The following STAG3 variants were observed in gnomAD, a reference collection of about 807,000 sequenced individuals.
The protein encoded by STAG3 is STAG3 cohesin complex component.
STAG3 carries 101 observed loss-of-function variants against 160.7 expected under a neutral mutation model. The ratio of observed to expected loss-of-function variants is 0.63; its 90% CI spans 0.54 to 0.74. The LOEUF (loss-of-function observed/expected upper bound fraction) is 0.74, where lower values mean the gene tolerates loss of function less well. Ranked by LOEUF, STAG3 falls within the 30% of genes least tolerant of loss-of-function variation. The pLI is 0.00. For synonymous variants in STAG3, 519 were observed against 585.0 expected, an observed-to-expected ratio of 0.89 and a Z score of 1.63; for missense variants, 1,188 against 1,517.4, an observed-to-expected ratio of 0.78 and a Z score of 3.61.
Position 100,195,397 on chromosome 7 carries a change from C to T in STAG3, c.941+15C>T, listed in dbSNP as rs768790910. On this transcript the variant is annotated intron_variant, in intron 9 of 33. Coordinates refer to ENST00000615138, the MANE Select transcript of STAG3 (RefSeq NM_001282717.2). ...CATCGGTACAGGTGAGCTAATGGGC[C>T]TCTCTCATTGAAGCAGCTGGCCTTT... The T allele has an allele frequency of 8.1e-6, 13 of 1,610,778 alleles. No individual in the cohort carries two copies. Among genetic ancestry groups the T allele is most frequent in the South Asian group, 6.6e-5 (6 of 90,554 alleles).
In STAG3 at chr7:100,207,296, C is replaced by T. The variant is rs1403474926; in HGVS notation, c.3238+1912C>T. The stretch of plus-strand genomic sequence containing the variant: ...TTTAAGTTTTTGAGGAACTACCACA[C>T]TGTTTTCCAAAGTACCTACACCAGT... On this transcript the variant is annotated intron_variant, in intron 29 of 33. Coordinates refer to ENST00000615138, the MANE Select transcript of STAG3 (RefSeq NM_001282717.2). This position sits in a 1 kb window ranked among gnomAD's most constrained non-coding sequence, Gnocchi z 4.0. Among the ~76,000 whole-genome samples the T allele has an allele frequency of 6.6e-6, 1 of 152,204 alleles. No individual in the cohort carries two copies. Among genetic ancestry groups the T allele is most frequent in the Non-Finnish European group, 1.5e-5 (1 of 68,034 alleles).
intron 32 of STAG3, chr7:100,212,324 G>C (rs924144177): frequency 1.9e-5 from 3 of 156,840 alleles, no homozygotes; most frequent in African/African-American, 7.2e-5. Flanking sequence ...TGTTTCCCCA[G>C]GAGGAACTGC....
rs1391523479 is a variant in STAG3, at chr7:100,197,846, A to AC, written c.1135dup (p.Arg379ProfsTer23). On this transcript the variant is annotated frameshift_variant, in exon 11 of 34. Transcript: ENST00000615138. LOFTEE classifies it high-confidence loss of function. ...TGTACGGTAACCGGGACCTGACCACACGCCTGGAGCTCTTCACCAGCCGCT... is the reference window on the plus strand; with the variant it reads ...TGTACGGTAACCGGGACCTGACCACACCGCCTGGAGCTCTTCACCAGCCGCT... 6.2e-7 allele frequency: 1 copy of AC among 1,613,678 alleles called. No homozygotes were observed. The highest frequency in any genetic ancestry group is 8.5e-7 in the Non-Finnish European group (1 of 1,179,976).
At chr7:100,218,911 CAGAG>C (rs1460114586), downstream of STAG3, 3 of 182,736 alleles carry the variant, frequency 1.6e-5, no homozygotes, top group South Asian at 1.1e-4. Flanking sequence ...ATTTGGATGG[CAGAG>C]AGAAACAGGC....
Position 100,182,209 on chromosome 7 carries a change from T to C in STAG3, c.219+17T>C, listed in dbSNP as rs757697214. 15 of 1,596,728 alleles carry C rather than the reference T, an allele frequency of 9.4e-6. No homozygotes were observed. Among genetic ancestry groups the C allele is most frequent in the Non-Finnish European group, 1.0e-5 (12 of 1,168,572 alleles). The stretch of plus-strand genomic sequence containing the variant: ...ACAACACCGGTGAGTCAGCCAGTTT[T>C]CTTTTGTTTTTGAATCTTGTGGGGG... On this transcript the variant is annotated intron_variant, in intron 3 of 33. Transcript: ENST00000615138.
rs776431814 is a variant in STAG3, at chr7:100,179,696, G to T, written c.-64-797G>T. 5.9e-5 allele frequency among the ~76,000 whole-genome samples: 9 copies of T among 152,122 alleles called. 1 individual carries two copies. Among genetic ancestry groups the T allele is most frequent in the Non-Finnish European group, 1.5e-5 (1 of 68,034 alleles). On this transcript the variant is annotated intron_variant, in intron 1 of 33. Coordinates refer to ENST00000615138, the MANE Select transcript of STAG3 (RefSeq NM_001282717.2). Reference sequence around the variant, plus strand: ...GCTGGCCAGTTTCTGGGGTGTTGTTGTGCTTAATCCCTTGATGCCTTAGGT... The same window carrying T: ...GCTGGCCAGTTTCTGGGGTGTTGTTTTGCTTAATCCCTTGATGCCTTAGGT...
chr7:100,202,881 A>G (rs1320325537), intron 25 of STAG3, among the ~76,000 whole-genome samples: 2 of 152,238 alleles, frequency 1.3e-5, no homozygotes, highest in African/African-American at 4.8e-5. Context: ...ATGGGGTAAC[A>G]TAAGAAGGAA....
rs1257410153 is a variant in STAG3, at chr7:100,184,471, T to TTTG, written c.336+1634_336+1635insGTT. Among the ~76,000 whole-genome samples the TTTG allele has an allele frequency of 4.1e-4, 57 of 139,048 alleles. 1 individual carries two copies. Among genetic ancestry groups the TTTG allele is most frequent in the African/African-American group, 1.5e-3 (57 of 37,200 alleles). 91.2% of individuals were successfully genotyped at this position (139,048 alleles called of 152,430 possible). A position where few individuals can be genotyped will look rare whatever the true frequency, so the allele number is the denominator to read the frequency against. On this transcript the variant is annotated intron_variant, in intron 4 of 33. Coordinates refer to ENST00000615138, the MANE Select transcript of STAG3 (RefSeq NM_001282717.2). ...AGTTGTACAGCGTGTTAGTTTTTTT[T>TTTG]TTTTTTTTTTTTTTTGAGACGGAGT...
chr7:100,199,655 A>G lies in STAG3; in HGVS notation c.1677+11A>G. 6.4e-7 allele frequency: 1 copy of G among 1,567,420 alleles called. No homozygotes were observed. Among genetic ancestry groups the G allele is most frequent in the Non-Finnish European group, 8.7e-7 (1 of 1,155,756 alleles). On this transcript the variant is annotated intron_variant, in intron 16 of 33. Transcript: ENST00000615138. ...GTCACTGGGAGGAAGGTATGGTGTG[A>G]GGGTAGAGTGGGTAGGTCAGCAATA...
At chr7:100,193,330 A>G (rs1219009345) in intron 8 of STAG3, among the ~76,000 whole-genome samples, 4 of 152,212 alleles carry the variant, frequency 2.6e-5, no homozygotes, top group Non-Finnish European at 5.9e-5. Flanking sequence ...AAAGTCAGCA[A>G]CTGCATTAGC....
In STAG3 at chr7:100,198,016, T is replaced by C. The variant is rs1800801941; in HGVS notation, c.1165-71T>C. 1.7e-5 allele frequency: 27 copies of C among 1,571,018 alleles called. No individual in the cohort carries two copies. In the South Asian group the frequency reaches 3.0e-4, roughly 17 times the overall value. On this transcript the variant is annotated intron_variant, in intron 11 of 33. Transcript: ENST00000615138. ...TACGTAGGCACTCTCTTTAGGAGTC[T>C]CTGATTCTAAGAGAACAGAATGTTT...
At chr7:100,206,476 AT>A (rs1008659384) in intron 29 of STAG3, among the ~76,000 whole-genome samples, 14 of 147,630 alleles carry the variant, frequency 9.5e-5, no homozygotes, top group Middle Eastern at 3.6e-3. Context: ...CATAAAAATC[AT>A]TTTTTTTTTT....
chr7:100,197,980 G>A, intron 11 of STAG3, 104 bp downstream of exon 11: 2 of 1,503,566 alleles, frequency 1.3e-6, no homozygotes, highest in Non-Finnish European at 1.9e-6. Flanking sequence ...GGCTATCCCA[G>A]CATCTGCCTC....
intron 8 of STAG3, among the ~76,000 whole-genome samples, 158 bp downstream of exon 8, chr7:100,189,754 C>T (rs1359673006): frequency 6.6e-6 from 1 of 152,092 alleles, no homozygotes; most frequent in South Asian, 2.1e-4. Context: ...TCATTACATG[C>T]TCATCTTGTT....
At chr7:100,187,759 C>CT (rs57544965) in intron 5 of STAG3, among the ~76,000 whole-genome samples, 5,626 of 136,726 alleles carry the variant, frequency 0.041, 406 homozygotes, top group African/African-American at 0.14. Context: ...CCTGCATCAT[C>CT]TTTTTTTTTT....
At chr7:100,195,405 T>C (rs762285722) in intron 9 of STAG3, 23 bp downstream of exon 9, 19 of 1,607,016 alleles carry the variant, frequency 1.2e-5, no homozygotes, top group East Asian at 4.5e-5. Context: ...GCCTCTCTCA[T>C]TGAAGCAGCT....
chr7:100,183,787 T>G (rs1799800443), intron 4 of STAG3, among the ~76,000 whole-genome samples: 1 of 152,286 alleles, frequency 6.6e-6, no homozygotes. Context: ...ATGAATCCAT[T>G]ATTCAGGCTT....
At chr7:100,213,938 AG>A in intron 33 of STAG3, 68 bp from the exon 34 acceptor site, 1 of 1,613,662 alleles carries the variant, frequency 6.2e-7, no homozygotes, top group Non-Finnish European at 8.5e-7. Context: ...AGGGTAACCC[AG>A]GGGAGGATGG....
chr7:100,205,659 G>A (rs1212437143), intron 29 of STAG3, among the ~76,000 whole-genome samples: 7 of 151,822 alleles, frequency 4.6e-5, no homozygotes, highest in African/African-American at 1.7e-4. Flanking sequence ...GTGAAACCCC[G>A]TCTCTACTAA....
Sources: gnomAD v4.1 joint callset for allele counts (sites outside exome capture counted in the v4.1 genomes callset) on GRCh38, gnomAD v4.1.1 for gene constraint, Gnocchi (gnomAD v3.1) non-coding constraint, MANE v1.5 for transcripts, NCBI Gene and HGNC (gene_info 2026-07-23, HGNC 2026-07-21) for gene names.